AUNIP: variants seen among roughly 807,000 people sequenced by gnomAD.
The protein encoded by AUNIP is aurora kinase A- and ninein-interacting protein.
AUNIP carries 16 observed loss-of-function variants against 12.2 expected under a neutral mutation model. The observed-to-expected ratio is 1.31, with a 90% CI of 0.88 to 1.99. The LOEUF is 1.99. Ranked by LOEUF, AUNIP falls within the 30% of genes most tolerant of loss-of-function variation. The pLI is 0.00. For synonymous variants in AUNIP, 142 were observed against 154.8 expected, an observed-to-expected ratio of 0.92 and a Z score of 0.61; for missense variants, 411 against 419.1, an observed-to-expected ratio of 0.98 and a Z score of 0.17.
intron 1 of AUNIP, among the ~76,000 whole-genome samples, chr1:25,840,775 A>G (rs2048342611): frequency 6.6e-6 from 1 of 152,210 alleles, no homozygotes; most frequent in South Asian, 2.1e-4. Context: ...AGGATACCCA[A>G]GCTGACACAT....
intron 1 of AUNIP, among the ~76,000 whole-genome samples, chr1:25,858,834 C>T (rs1572271254): frequency 6.6e-6 from 1 of 152,288 alleles, no homozygotes; most frequent in East Asian, 1.9e-4. Flanking sequence ...GGTAGTTGGC[C>T]TGCAACTTGG....
chr1:25,835,640 G>A lies in AUNIP; in HGVS notation c.427C>T (p.His143Tyr), dbSNP rs1328643457. Residue 143 changes from histidine to tyrosine, a missense_variant, in exon 3 of 3, where the codon CAC becomes TAC. His to Tyr is a moderately conservative substitution (Grantham distance 83). Coordinates refer to ENST00000374298, the MANE Select transcript of AUNIP (RefSeq NM_024037.3). ...SPQSLQTSGH[H>Y]RMKTPFSTEL... The stretch of plus-strand genomic sequence containing the variant: ...GTTGAAAATGGGGTTTTCATTCTGT[G>A]GTGGCCAGAAGTCTGGAGGGACTGA... 20 of 1,614,108 alleles carry A rather than the reference G, an allele frequency of 1.2e-5. No individual in the cohort carries two copies. The highest frequency in any genetic ancestry group is 1.6e-5 in the Non-Finnish European group (19 of 1,180,044).
At chr1:25,856,238 G>A (rs770367847) in intron 1 of AUNIP, among the ~76,000 whole-genome samples, 2 of 151,758 alleles carry the variant, frequency 1.3e-5, no homozygotes, top group Admixed American at 6.6e-5. Flanking sequence ...GGTGGCACAC[G>A]CCTGTAATCC....
At chr1:25,832,173 C>T (rs1422635203), downstream of AUNIP, 52 of 1,546,644 alleles carry the variant, frequency 3.4e-5, no homozygotes, top group Non-Finnish European at 4.5e-5. Context: ...AAGAGAAGAG[C>T]TGGATTATAT....
chr1:25,856,950 AAAAAAATAC>A (rs2048466528), intron 1 of AUNIP, among the ~76,000 whole-genome samples: 1 of 151,884 alleles, frequency 6.6e-6, no homozygotes, highest in African/African-American at 2.4e-5. Flanking sequence ...TCTACAAAAA[AAAAAAATAC>A]AAAAAATGAG....
intron 2 of AUNIP, 104 bp downstream of exon 2, chr1:25,837,309 A>C (rs770663472): frequency 3.7e-5 from 50 of 1,363,710 alleles, no homozygotes; most frequent in Non-Finnish European, 5.0e-5. Flanking sequence ...AGTTTAACAC[A>C]ATGCACTGGT....
At chr1:25,835,922 A>G (rs2048299545) in intron 2 of AUNIP, 76 bp from the exon 3 acceptor site, 2 of 1,554,412 alleles carry the variant, frequency 1.3e-6, no homozygotes, top group African/African-American at 2.7e-5. Context: ...CTTTTTCTGA[A>G]ATCAGTATCA....
chr1:25,851,457 A>T (rs1203005548), intron 1 of AUNIP, among the ~76,000 whole-genome samples: 1 of 152,154 alleles, frequency 6.6e-6, no homozygotes, highest in Admixed American at 6.5e-5. Context: ...ATAATTCTTT[A>T]AATGTTTGGT....
Position 25,835,161 on chromosome 1 carries a change from A to G in AUNIP, c.906T>C (p.Thr302=), listed in dbSNP as rs1365095337. 3.7e-6 allele frequency: 6 copies of G among 1,614,140 alleles called. No homozygotes were observed. Among genetic ancestry groups the G allele is most frequent in the Non-Finnish European group, 4.2e-6 (5 of 1,180,024 alleles). ...SQGQRVIAHN[T]RAPFQDVTNN... The stretch of plus-strand genomic sequence containing the variant: ...TGGTTACATCTTGAAAAGGAGCTCT[A>G]GTGTTGTGGGCAATGACCCGCTGGC... Residue 302 remains threonine (T), a synonymous_variant, in exon 3 of 3, where the codon ACT becomes ACC. Transcript: ENST00000374298.
chr1:25,835,502 C>A lies in AUNIP; in HGVS notation c.565G>T (p.Glu189Ter). 6.2e-7 allele frequency: 1 copy of A among 1,614,212 alleles called. No homozygotes were observed. Among genetic ancestry groups the A allele is most frequent in the Non-Finnish European group, 8.5e-7 (1 of 1,180,042 alleles). Reference protein sequence around the residue: ...LESSCLLDRKEEKGDSARKWE... With the variant: ...LESSCLLDRK ...TTCCTGGCAGAATCCCCTTTTTCTT[C>A]CTTTCGGTCTAGCAAACAAGAACTT... is the stretch of plus-strand genomic sequence containing the variant. Residue 189 changes from glutamate (E) to a stop codon, truncating the protein, a stop_gained, in exon 3 of 3, where the codon GAA (glutamate) becomes TAA (stop). Transcript: ENST00000374298. LOFTEE classifies it low-confidence loss of function (END_TRUNC).
intron 1 of AUNIP, among the ~76,000 whole-genome samples, chr1:25,838,568 G>T (rs540578622): frequency 6.6e-6 from 1 of 151,920 alleles, no homozygotes; most frequent in Non-Finnish European, 1.5e-5. Context: ...CACAGTTCCC[G>T]GCACATAGAA....
At chr1:25,853,933 C>T (rs559356539) in intron 1 of AUNIP, among the ~76,000 whole-genome samples, 28 of 152,258 alleles carry the variant, frequency 1.8e-4, no homozygotes, top group Non-Finnish European at 3.4e-4. Flanking sequence ...AAGCAAGTTA[C>T]GGCCCGGCGC....
In AUNIP at chr1:25,834,335, G is replaced by T. The variant is rs985973101; in HGVS notation, c.*658C>A. On this transcript the variant is annotated 3_prime_UTR_variant, in exon 3 of 3. Coordinates refer to ENST00000374298, the MANE Select transcript of AUNIP (RefSeq NM_024037.3). ...CAGAGATTAAAAGCTCACACATCTG[G>T]CTGGGCGCGGTGGCTTATGCCTGTA... 2 of 984,404 alleles carry T rather than the reference G, an allele frequency of 2.0e-6. No homozygotes were observed. Among genetic ancestry groups the T allele is most frequent in the Admixed American group, 1.2e-4 (2 of 16,238 alleles). 61.0% of individuals were successfully genotyped at this position (984,404 alleles called of 1,614,324 possible). A position where few individuals can be genotyped will look rare whatever the true frequency, so the allele number is the denominator to read the frequency against.
intron 1 of AUNIP, among the ~76,000 whole-genome samples, chr1:25,841,249 A>G (rs2048345579): frequency 6.6e-6 from 1 of 152,274 alleles, no homozygotes; most frequent in African/African-American, 2.4e-5. Flanking sequence ...GAAAGATCCC[A>G]GGTACAAAGT....
intron 1 of AUNIP, among the ~76,000 whole-genome samples, chr1:25,853,573 T>C (rs539532815): frequency 6.6e-6 from 1 of 152,112 alleles, no homozygotes; most frequent in Admixed American, 6.5e-5. Context: ...CCCCAGCCTG[T>C]GTGACAGAGC....
At chr1:25,857,064 G>A (rs984986884) in intron 1 of AUNIP, among the ~76,000 whole-genome samples, 1 of 152,082 alleles carries the variant, frequency 6.6e-6, no homozygotes, top group African/African-American at 2.4e-5. Context: ...GCTGTAGGTA[G>A]TCGTGATTAC....
chr1:25,848,483 C>CAAAA (rs761716480), intron 1 of AUNIP, among the ~76,000 whole-genome samples: 39 of 62,422 alleles, frequency 6.2e-4, no homozygotes, highest in African/African-American at 1.5e-3. Context: ...AACTCCGTCT[C>CAAAA]AAAAAAAAAA....
In AUNIP at chr1:25,835,834, C is replaced by T. The variant is rs754995601; in HGVS notation, c.233G>A (p.Gly78Asp). Residue 78 changes from glycine (G) to aspartate (D), a missense_variant, in exon 3 of 3, where the codon GGC becomes GAC. Transcript: ENST00000374298. ...FFTLQPGKTN[G>D]SDQKSVSSHT... ...AGATGAAACACTCTTCTGGTCACTGCCATTTGTCTTTCCTAATAAAACAGG... is the reference window on the plus strand; with the variant it reads ...AGATGAAACACTCTTCTGGTCACTGTCATTTGTCTTTCCTAATAAAACAGG... 5 of 1,612,510 alleles carry T rather than the reference C, an allele frequency of 3.1e-6. No homozygotes were observed. The highest frequency in any genetic ancestry group is 1.7e-5 in the Admixed American group (1 of 59,952).
At chr1:25,853,263 T>C (rs1439198680) in intron 1 of AUNIP, among the ~76,000 whole-genome samples, 1 of 152,220 alleles carries the variant, frequency 6.6e-6, no homozygotes, top group Non-Finnish European at 1.5e-5. Flanking sequence ...TAGTGTTGTA[T>C]TGCTTTGTAA....
Sources: allele counts gnomAD v4.1 joint callset (sites outside exome capture counted in the v4.1 genomes callset), GRCh38; gene constraint gnomAD v4.1.1; transcripts MANE v1.5; gene names NCBI Gene and HGNC (gene_info 2026-07-23, HGNC 2026-07-21).